Variants in FYN observed in about 807,000 individuals in gnomAD.
FYN encodes FYN proto-oncogene, Src family tyrosine kinase, also known as tyrosine-protein kinase Fyn.
Under a neutral mutation model 70.2 loss-of-function variants are expected in FYN, and 10 were observed. The observed-to-expected ratio is 0.14, with a 90% CI of 0.09 to 0.24. The LOEUF is 0.24. FYN is among the 10% of genes least tolerant of loss of function. The pLI, the probability that FYN is intolerant of heterozygous loss-of-function variation, is 1.00. For missense variants in FYN, 319 were observed against 673.1 expected (o/e 0.47, Z 5.82); for synonymous variants, 236 against 248.6 (o/e 0.95, Z 0.48).
chr6:111,662,409 A>AT (rs1193362968), intron 13 of FYN, among the ~76,000 whole-genome samples: 1 of 152,178 alleles, frequency 6.6e-6, no homozygotes, highest in East Asian at 1.9e-4. Flanking sequence ...TGCGGGTCAC[A>AT]TATGATCCCT....
At chr6:111,729,488 G>A (rs11153314) in intron 3 of FYN, among the ~76,000 whole-genome samples, 37,504 of 127,996 alleles carry the variant, frequency 0.29, 6,095 homozygotes, top group African/African-American at 0.6. Context: ...AAAAAAAAAA[G>A]GGGGTCGGGG....
chr6:111,739,747 G>T (rs895478507), intron 3 of FYN, among the ~76,000 whole-genome samples: 5 of 152,130 alleles, frequency 3.3e-5, no homozygotes, highest in African/African-American at 1.2e-4. Context: ...AAAAGATTCT[G>T]GTTTCTTCCC....
chr6:111,798,264 T>C (rs1234076277), intron 2 of FYN: 1 of 152,170 alleles, frequency 6.6e-6, no homozygotes, highest in Non-Finnish European at 1.5e-5. Flanking sequence ...CTGAAGACCT[T>C]AGCCACCAGA....
chr6:111,840,042 G>T (rs891981581), intron 2 of FYN, among the ~76,000 whole-genome samples: 1 of 152,166 alleles, frequency 6.6e-6, no homozygotes, highest in Admixed American at 6.5e-5. Context: ...CCGCTCTGGG[G>T]ACTGGAGAAG....
At chr6:111,773,613 G>GGC (rs1803577413) in intron 3 of FYN, among the ~76,000 whole-genome samples, 1 of 75,946 alleles carries the variant, frequency 1.3e-5, no homozygotes. Context: ...AGAGGGGGAG[G>GGC]GAGAGAGGGG....
At chr6:111,697,854 C>T (rs990502839) in intron 9 of FYN, among the ~76,000 whole-genome samples, 1 of 152,076 alleles carries the variant, frequency 6.6e-6, no homozygotes, top group Non-Finnish European at 1.5e-5. Flanking sequence ...TAATAGGGTC[C>T]AATTCTCTGT....
intron 13 of FYN, among the ~76,000 whole-genome samples, chr6:111,665,867 C>T (rs1562458965): frequency 6.6e-6 from 1 of 152,048 alleles, no homozygotes; most frequent in South Asian, 2.1e-4. Flanking sequence ...AAGTGATCTG[C>T]CCACCTCGGC....
intron 3 of FYN, among the ~76,000 whole-genome samples, chr6:111,731,606 C>T (rs1180538913): frequency 2.0e-5 from 3 of 152,234 alleles, no homozygotes; most frequent in Non-Finnish European, 4.4e-5. Context: ...ACTTTTGCAT[C>T]CCCTGCCGTG....
intron 3 of FYN, among the ~76,000 whole-genome samples, chr6:111,753,687 C>T (rs917114755): frequency 6.6e-6 from 1 of 151,224 alleles, no homozygotes; most frequent in Admixed American, 6.6e-5. Context: ...TGTGGTTTAG[C>T]AGCAGCATGT....
chr6:111,834,850 C>T (rs1264808692), intron 2 of FYN, among the ~76,000 whole-genome samples: 3 of 152,156 alleles, frequency 2.0e-5, no homozygotes, highest in African/African-American at 7.2e-5. Flanking sequence ...CTTCCCCAAA[C>T]CACCCCTTCT....
intron 3 of FYN, among the ~76,000 whole-genome samples, chr6:111,750,671 CTT>C: frequency 6.7e-6 from 1 of 149,118 alleles, no homozygotes; most frequent in South Asian, 2.1e-4. Context: ...CCTTTCCTTT[CTT>C]TGTTGGCCAG....
At chr6:111,805,343 C>T (rs565676615) in intron 2 of FYN, among the ~76,000 whole-genome samples, 55 of 152,252 alleles carry the variant, frequency 3.6e-4, no homozygotes, top group African/African-American at 1.2e-3. Context: ...TCTGGATAAG[C>T]GTGAATTTCA....
At chr6:111,737,011 T>C (rs1375811662) in intron 3 of FYN, among the ~76,000 whole-genome samples, 1 of 152,230 alleles carries the variant, frequency 6.6e-6, no homozygotes, top group Non-Finnish European at 1.5e-5. Context: ...TTGAAATCTG[T>C]TTCTGTTCTA....
In FYN at chr6:111,720,065, G is replaced by A. The variant is rs747244997; in HGVS notation, c.-11-3C>T. On this transcript the variant is annotated splice_polypyrimidine_tract_variant and splice_region_variant and intron_variant, in intron 3 of 13. Coordinates refer to ENST00000354650, the MANE Select transcript of FYN (RefSeq NM_002037.5). ...CACACAGCCCATTATCTAAATTCCT[G>A]CCAAAGACAAAAAAGGGGGCACGTA... is the stretch of plus-strand genomic sequence containing the variant. The A allele has an allele frequency of 3.2e-6, 5 of 1,571,142 alleles. No individual in the cohort carries two copies. In the Admixed American group the frequency reaches 9.0e-5, roughly 28 times the overall value.
At chr6:111,801,858 C>A in intron 2 of FYN, among the ~76,000 whole-genome samples, 1 of 152,292 alleles carries the variant, frequency 6.6e-6, no homozygotes, top group East Asian at 1.9e-4. Context: ...CCCCACAACT[C>A]CTGGCTTAAA....
intron 2 of FYN, among the ~76,000 whole-genome samples, chr6:111,784,276 A>G (rs1431595253): frequency 6.6e-6 from 1 of 151,892 alleles, no homozygotes; most frequent in Non-Finnish European, 1.5e-5. Flanking sequence ...CTTGTTTAGG[A>G]CTCCTTGACT....
chr6:111,772,158 G>A (rs1803477014), intron 3 of FYN, among the ~76,000 whole-genome samples: 1 of 152,040 alleles, frequency 6.6e-6, no homozygotes, highest in South Asian at 2.1e-4. Flanking sequence ...TAAATGCTTT[G>A]CTAAAGTTAT....
chr6:111,729,209 C>T (rs2128469420), intron 3 of FYN, among the ~76,000 whole-genome samples: 1 of 152,232 alleles, frequency 6.6e-6, no homozygotes, highest in South Asian at 2.1e-4. Context: ...TGTGGTGGTT[C>T]ACACCTGTAA....
intron 3 of FYN, among the ~76,000 whole-genome samples, chr6:111,722,351 A>AGTTTCCAATAGGAAATGCAAGCT (rs1800993755): frequency 6.6e-6 from 1 of 152,192 alleles, no homozygotes. Context: ...GATTTTAACA[A>AGTTTCCAATAGGAAATGCAAGCT]GTTTCCAATA....
Sources: gnomAD v4.1 joint callset for allele counts (sites outside exome capture counted in the v4.1 genomes callset) on GRCh38, gnomAD v4.1.1 for gene constraint, MANE v1.5 for transcripts, NCBI Gene and HGNC (gene_info 2026-07-23, HGNC 2026-07-21) for gene names.